ANKS3: variants seen among roughly 807,000 people sequenced by gnomAD.
ANKS3 encodes the protein ankyrin repeat and sterile alpha motif domain containing 3.
ANKS3 carries 62 observed loss-of-function variants against 80.7 expected under a neutral mutation model. The ratio of observed to expected loss-of-function variants is 0.77; its 90% confidence interval spans 0.63 to 0.95. The LOEUF (loss-of-function observed/expected upper bound fraction) is 0.95, where lower values mean the gene tolerates loss of function less well. Among genes scored for constraint, ANKS3 ranks in the 40% least tolerant of loss-of-function variants. ANKS3 has a pLI of 0.00. For missense variants in ANKS3, 1,150 were observed against 883.6 expected (o/e 1.30, Z -3.82); for synonymous variants, 489 against 355.3 (o/e 1.38, Z -4.23).
rs377144011 is a variant in ANKS3, at chr16:4,699,002, A to C, written c.1409+50T>G. The C allele has an allele frequency of 9.3e-6, 15 of 1,613,910 alleles. No individual in the cohort carries two copies. In the African/African-American group the frequency reaches 1.9e-4, roughly 20 times the overall value. On this transcript the variant is annotated intron_variant, in intron 12 of 17. Transcript: ENST00000304283. ...TCCCAAGAGCGCTTACATGAGTGGG[A>C]GTTTGCCCCAACCCCGGGCTGAGGG...
chr16:4,728,674 A>G (rs1596460105), intron 3 of ANKS3, among the ~76,000 whole-genome samples: 1 of 150,470 alleles, frequency 6.6e-6, no homozygotes, highest in East Asian at 2.0e-4. Context: ...CCTCCACCTC[A>G]GCTAGTGTCA....
At chr16:4,718,514 C>G (rs1216754339) in intron 6 of ANKS3, among the ~76,000 whole-genome samples, 1 of 152,206 alleles carries the variant, frequency 6.6e-6, no homozygotes, top group Admixed American at 6.5e-5. Context: ...CCTCCCCTAG[C>G]AAAGAGCACA....
At chr16:4,723,188 T>A (rs2081189139) in intron 6 of ANKS3, among the ~76,000 whole-genome samples, 1 of 152,128 alleles carries the variant, frequency 6.6e-6, no homozygotes, top group African/African-American at 2.4e-5. Flanking sequence ...TACCAACAAG[T>A]CACCCACTTA....
At chr16:4,733,202 CAAAAAAAAAAA>C in intron 1 of ANKS3, among the ~76,000 whole-genome samples, 1 of 70,540 alleles carries the variant, frequency 1.4e-5, no homozygotes, top group East Asian at 4.9e-4. Context: ...GACTCCGTCT[CAAAAAAAAAAA>C]AAAAAAAAAA....
Position 4,708,410 on chromosome 16 carries a change from T to C in ANKS3, c.710-3157A>G, listed in dbSNP as rs567992048. 1.6e-3 allele frequency among the ~76,000 whole-genome samples: 242 copies of C among 152,110 alleles called. 2 individuals are homozygous for C. Among genetic ancestry groups the C allele is most frequent in the African/African-American group, 5.5e-3 (230 of 41,492 alleles). On this transcript the variant is annotated intron_variant, in intron 7 of 17. Coordinates refer to ENST00000304283, the MANE Select transcript of ANKS3 (RefSeq NM_133450.4). ...TAAATACAGAACCCCCAGAATACAC[T>C]TAAAGCAGCAATCAGCAAAAATTCA...
intron 7 of ANKS3, among the ~76,000 whole-genome samples, chr16:4,708,609 A>G (rs1488737689): frequency 6.6e-6 from 1 of 152,170 alleles, no homozygotes; most frequent in African/African-American, 2.4e-5. Context: ...TTTTTCCACT[A>G]AACAGACAAA....
intron 8 of ANKS3, among the ~76,000 whole-genome samples, chr16:4,704,111 G>C (rs1264004485): frequency 6.6e-6 from 1 of 152,174 alleles, no homozygotes; most frequent in African/African-American, 2.4e-5. Flanking sequence ...GGTGGGGCTG[G>C]CCAGCAGCTC....
intron 6 of ANKS3, among the ~76,000 whole-genome samples, chr16:4,715,613 T>C (rs937131058): frequency 2.0e-5 from 3 of 151,942 alleles, no homozygotes; most frequent in African/African-American, 7.3e-5. Context: ...TAAAAAAGGA[T>C]CATGATACAA....
rs2081620000 is a variant in ANKS3 at position 4,731,559 on chromosome 16, G to C, written c.-50C>G. 5.7e-6 allele frequency: 5 copies of C among 878,236 alleles called. No homozygotes were observed. The highest frequency in any genetic ancestry group is 6.8e-6 in the Non-Finnish European group (5 of 732,086). The allele number at this position is 878,236 out of a possible 1,614,324, so 54.4% of individuals were successfully genotyped here. On this transcript the variant is annotated 5_prime_UTR_variant, in exon 2 of 18. Transcript: ENST00000304283. ...GCCTCTCAAAGTCCTGGAAATATAG[G>C]CGTGAGCCACTGCACCTGGCCTGTA... is the stretch of plus-strand genomic sequence containing the variant.
rs372735294 is a variant in ANKS3, at chr16:4,701,500, G to A, written c.1053C>T (p.Ser351=). 1 of 1,612,032 alleles carries A rather than the reference G, an allele frequency of 6.2e-7. No individual in the cohort carries two copies. The highest frequency in any genetic ancestry group is 1.3e-5 in the African/African-American group (1 of 74,922). Residue 351 remains serine, a synonymous_variant, in exon 10 of 18, where the codon AGC becomes AGT. Coordinates refer to ENST00000304283, the MANE Select transcript of ANKS3 (RefSeq NM_133450.4). ...FCANLGPVQS[S]SSSEGLARAQ... ...CTCTGGCCAGGCCCTCGCTGCTGCT[G>A]CTGCTCTGGACGGGCCCCAGGTTGG...
intron 8 of ANKS3, among the ~76,000 whole-genome samples, chr16:4,704,013 G>A (rs2080056316): frequency 6.6e-6 from 1 of 152,238 alleles, no homozygotes; most frequent in Non-Finnish European, 1.5e-5. Context: ...GGAAGGAAGA[G>A]ACTCTGCCAC....
chr16:4,700,343 G>C lies in ANKS3; in HGVS notation c.1284+627C>G, dbSNP rs547669968. 3 of 157,222 alleles carry C rather than the reference G, an allele frequency of 1.9e-5. No individual in the cohort carries two copies. In the East Asian group the frequency reaches 5.7e-4, roughly 30 times the overall value. 9.7% of individuals were successfully genotyped at this position (157,222 alleles called of 1,614,324 possible). ...GAGGCAGGAGAATCGCTTGAACCCA[G>C]GAGGAGGAGGTTGCAGTGAGCCGAG... On this transcript the variant is annotated intron_variant, in intron 11 of 17. Coordinates refer to ENST00000304283, the MANE Select transcript of ANKS3 (RefSeq NM_133450.4).
At chr16:4,726,203 C>G (rs2142150889) in intron 5 of ANKS3, among the ~76,000 whole-genome samples, 1 of 152,066 alleles carries the variant, frequency 6.6e-6, no homozygotes, top group East Asian at 1.9e-4. Flanking sequence ...GTCTCGATCT[C>G]CTGACCTCGT....
intron 8 of ANKS3, among the ~76,000 whole-genome samples, chr16:4,704,549 G>A (rs920782251): frequency 6.6e-6 from 1 of 152,182 alleles, no homozygotes; most frequent in African/African-American, 2.4e-5. Flanking sequence ...CCCTGGGGCT[G>A]GGAATCTGAG....
In ANKS3 at chr16:4,716,253, C is replaced by T. The variant is rs985840833; in HGVS notation, c.574-2067G>A. 5.4e-5 allele frequency among the ~76,000 whole-genome samples: 8 copies of T among 148,830 alleles called. No homozygotes were observed. In the South Asian group the frequency reaches 6.5e-4, roughly 12 times the overall value. On this transcript the variant is annotated intron_variant, in intron 6 of 17. Coordinates refer to ENST00000304283, the MANE Select transcript of ANKS3 (RefSeq NM_133450.4). ...TGGGCACCTGCAGTCCCAGCTACTC[C>T]GGGGGGCTGAGGCAGGAGAATCGCT...
chr16:4,724,633 A>G (rs2081265131), intron 6 of ANKS3, 117 bp downstream of exon 6: 1 of 995,356 alleles, frequency 1.0e-6, no homozygotes, highest in African/African-American at 1.6e-5. Flanking sequence ...AATGTGTTGA[A>G]TAAATGAATG....
At position 4,714,064 on chromosome 16, in the gene ANKS3, G is replaced by T. The variant is rs754095987; in HGVS notation, c.696C>A (p.Leu232=). The T allele has an allele frequency of 3.1e-6, 5 of 1,614,066 alleles. No homozygotes were observed. Among genetic ancestry groups the T allele is most frequent in the African/African-American group, 1.3e-5 (1 of 74,934 alleles). Residue 232 remains leucine, a synonymous_variant, in exon 7 of 18, where the codon CTC becomes CTA. Coordinates refer to ENST00000304283, the MANE Select transcript of ANKS3 (RefSeq NM_133450.4). Reference sequence around the variant, plus strand: ...AGGTGTGGGTACCTGGGCTCCGATAGAGGCTCTTGGGCAGAGAGGGCGAGT... The same window carrying T: ...AGGTGTGGGTACCTGGGCTCCGATATAGGCTCTTGGGCAGAGAGGGCGAGT... ...DTYSPSLPKS[L]YRSPEKYEDL...
At chr16:4,727,416 C>T (rs1268743706) in intron 3 of ANKS3, 1 of 575,920 alleles carries the variant, frequency 1.7e-6, no homozygotes, top group Non-Finnish European at 3.1e-6. Context: ...CCTCCTAGCC[C>T]AAGGCCAGCT....
At chr16:4,715,533 C>A (rs1416671254) in intron 6 of ANKS3, among the ~76,000 whole-genome samples, 1 of 152,132 alleles carries the variant, frequency 6.6e-6, no homozygotes, top group Non-Finnish European at 1.5e-5. Context: ...GAGCTTGACG[C>A]TGCAGCGAGC....
Sources: gnomAD v4.1 joint callset for allele counts (sites outside exome capture counted in the v4.1 genomes callset) on GRCh38, gnomAD v4.1.1 for gene constraint, MANE v1.5 for transcripts, NCBI Gene and HGNC (gene_info 2026-07-23, HGNC 2026-07-21) for gene names.